The following DGKB variants were observed in gnomAD, a reference collection of about 807,000 sequenced individuals.
DGKB encodes diacylglycerol kinase beta, also known as 90 kDa diacylglycerol kinase.
Under a neutral mutation model 114.3 loss-of-function variants are expected in DGKB, and 67 were observed. The observed-to-expected ratio is 0.59, with a 90% CI of 0.48 to 0.72. The LOEUF is 0.72. DGKB is among the 30% of genes least tolerant of loss of function. The probability of loss-of-function intolerance (pLI) is 0.00; values close to 1 mark genes in which losing one functional copy is unlikely to be tolerated. For synonymous variants in DGKB, 398 were observed against 323.1 expected, an observed-to-expected ratio of 1.23 and a Z score of -2.49; for missense variants, 907 against 975.2, an observed-to-expected ratio of 0.93 and a Z score of 0.93.
intron 1 of DGKB, among the ~76,000 whole-genome samples, chr7:14,897,693 A>G (rs1007389461): frequency 1.3e-5 from 2 of 151,994 alleles, no homozygotes; most frequent in African/African-American, 4.8e-5. Context: ...CACGTATTCT[A>G]AATATGTAAC....
chr7:14,775,809 T>C (rs1047644721), intron 2 of DGKB, among the ~76,000 whole-genome samples: 3 of 151,986 alleles, frequency 2.0e-5, no homozygotes, highest in African/African-American at 7.2e-5. Flanking sequence ...TTTCTATTAG[T>C]AGTGTGAGAA....
intron 23 of DGKB, among the ~76,000 whole-genome samples, chr7:14,310,405 C>T (rs567094271): frequency 1.4e-4 from 22 of 151,838 alleles, no homozygotes; most frequent in African/African-American, 4.6e-4. Flanking sequence ...GTAGATTTCG[C>T]AATGAGAAGG....
In DGKB at chr7:14,191,852, T is replaced by C. The variant is rs1298602790; in HGVS notation, c.2123-13701A>G. On this transcript the variant is annotated intron_variant, in intron 23 of 25. Coordinates refer to ENST00000402815, the MANE Select transcript of DGKB (RefSeq NM_001350709.2). ...TGACGGCTATGTCCCTGTACTGGAT[T>C]GTCACACAGTTCACATTGCTTGCCA... The C allele has an allele frequency of 1.0e-5, 5 of 497,984 alleles. No individual in the cohort carries two copies. In the Admixed American group the frequency reaches 1.1e-4, roughly 11 times the overall value. 30.8% of individuals were successfully genotyped at this position (497,984 alleles called of 1,614,324 possible).
chr7:14,696,468 G>T (rs1459845423), intron 8 of DGKB, among the ~76,000 whole-genome samples: 4 of 124,900 alleles, frequency 3.2e-5, no homozygotes, highest in Admixed American at 3.2e-4. Context: ...GCAGTCCGCA[G>T]TCCGGCCTGG....
At chr7:14,709,542 A>G (rs921546364) in intron 6 of DGKB, among the ~76,000 whole-genome samples, 7 of 128,788 alleles carry the variant, frequency 5.4e-5, no homozygotes, top group Admixed American at 2.6e-4. Flanking sequence ...CATTATTCAC[A>G]ATAGCAAAGA....
intron 6 of DGKB, among the ~76,000 whole-genome samples, chr7:14,714,272 A>C (rs1265122418): frequency 6.6e-6 from 1 of 152,132 alleles, no homozygotes; most frequent in Non-Finnish European, 1.5e-5. Flanking sequence ...CATTGTAATC[A>C]AAGGGATCAA....
intron 1 of DGKB, among the ~76,000 whole-genome samples, chr7:14,886,329 C>G (rs372557748): frequency 1.1e-4 from 17 of 151,818 alleles, no homozygotes; most frequent in Admixed American, 7.9e-4. Flanking sequence ...AGTTTTGATA[C>G]TATTCTTGAG....
chr7:14,329,258 C>G lies in DGKB; in HGVS notation c.2122+9257G>C, dbSNP rs548673631. The stretch of plus-strand genomic sequence containing the variant: ...GCAGTTCACTGGACCCTCCTAGCAC[C>G]CTTCTTAGAAAAAGTGTGCAAGCAG... On this transcript the variant is annotated intron_variant, in intron 23 of 25. Coordinates refer to ENST00000402815, the MANE Select transcript of DGKB (RefSeq NM_001350709.2). Among the ~76,000 whole-genome samples, 11 of 151,794 alleles carry G rather than the reference C, an allele frequency of 7.2e-5. No individual in the cohort carries two copies. The East Asian group carries it at 2.1e-3, about 30-fold the overall frequency.
chr7:14,194,843 G>T (rs899071057), intron 23 of DGKB, among the ~76,000 whole-genome samples: 1 of 151,514 alleles, frequency 6.6e-6, no homozygotes, highest in Non-Finnish European at 1.5e-5. Flanking sequence ...TCCTTTAAAC[G>T]AGTCTAAAAT....
intron 5 of DGKB, among the ~76,000 whole-genome samples, chr7:14,732,923 A>G (rs1028226823): frequency 6.6e-6 from 1 of 152,204 alleles, no homozygotes. Context: ...TATGTGATAC[A>G]GTTATTTAGA....
intron 14 of DGKB, among the ~76,000 whole-genome samples, chr7:14,622,080 C>T (rs1807761102): frequency 1.3e-5 from 2 of 152,098 alleles, no homozygotes; most frequent in Admixed American, 6.6e-5. Context: ...ACCCAATCAA[C>T]TTGTATCACC....
At chr7:14,697,493 C>G (rs1453583185) in intron 8 of DGKB, among the ~76,000 whole-genome samples, 1 of 152,066 alleles carries the variant, frequency 6.6e-6, no homozygotes, top group Non-Finnish European at 1.5e-5. Flanking sequence ...TTCAAAATAA[C>G]TTCCACGAGG....
Position 14,148,577 on chromosome 7 carries a change from T to A in DGKB, c.*554A>T, listed in dbSNP as rs933352480. ...TTATTTCCACTCAGAAGAGTTAAGATGTTGAAGAAAAACTATGTATATATA... is the reference window on the plus strand; with the variant it reads ...TTATTTCCACTCAGAAGAGTTAAGAAGTTGAAGAAAAACTATGTATATATA... On this transcript the variant is annotated 3_prime_UTR_variant, in exon 26 of 26. Coordinates refer to ENST00000402815, the MANE Select transcript of DGKB (RefSeq NM_001350709.2). 2.6e-5 allele frequency: 4 copies of A among 152,462 alleles called. No homozygotes were observed. The highest frequency in any genetic ancestry group is 2.6e-4 in the Admixed American group (4 of 15,278). 9.4% of individuals were successfully genotyped at this position (152,462 alleles called of 1,614,324 possible).
chr7:14,596,738 T>G (rs1474042693), intron 17 of DGKB, among the ~76,000 whole-genome samples: 1 of 152,150 alleles, frequency 6.6e-6, no homozygotes, highest in Admixed American at 6.5e-5. Context: ...TATTTTTCCA[T>G]ATAGATGCCC....
chr7:14,516,873 C>T (rs1788878783), intron 20 of DGKB, among the ~76,000 whole-genome samples: 1 of 152,008 alleles, frequency 6.6e-6, no homozygotes. Flanking sequence ...TTCAGATGGC[C>T]ATACTGCCCA....
chr7:14,872,057 G>T (rs1476189656), intron 1 of DGKB, among the ~76,000 whole-genome samples: 2 of 152,080 alleles, frequency 1.3e-5, no homozygotes, highest in Non-Finnish European at 2.9e-5. Context: ...GAAGCAAAGG[G>T]CAAAGTGGTG....
chr7:14,898,407 G>T (rs1782457234), intron 1 of DGKB, among the ~76,000 whole-genome samples: 1 of 152,006 alleles, frequency 6.6e-6, no homozygotes, highest in African/African-American at 2.4e-5. Flanking sequence ...CTACCAGTTT[G>T]TAACTGTGAC....
chr7:14,260,663 C>A (rs1359971545), intron 23 of DGKB, among the ~76,000 whole-genome samples: 2 of 152,080 alleles, frequency 1.3e-5, no homozygotes, highest in African/African-American at 4.8e-5. Context: ...GGGGTGAGAC[C>A]TCAGCTTATT....
chr7:14,425,940 A>G (rs971371020), intron 21 of DGKB, among the ~76,000 whole-genome samples: 2 of 152,154 alleles, frequency 1.3e-5, no homozygotes, highest in African/African-American at 4.8e-5. Flanking sequence ...CAATATTTTC[A>G]TTCAATTTTT....
Sources: gnomAD v4.1 joint callset for allele counts (sites outside exome capture counted in the v4.1 genomes callset) on GRCh38, gnomAD v4.1.1 for gene constraint, MANE v1.5 for transcripts, NCBI Gene and HGNC (gene_info 2026-07-23, HGNC 2026-07-21) for gene names.